Variants in ARHGAP24 observed in about 807,000 individuals in gnomAD.
ARHGAP24 encodes the protein Rho GTPase activating protein 24, also known as rho GTPase-activating protein 24.
Under a neutral mutation model 76.4 loss-of-function variants are expected in ARHGAP24, and 50 were observed. The ratio of observed to expected loss-of-function variants is 0.65; its 90% CI spans 0.52 to 0.83. The LOEUF (loss-of-function observed/expected upper bound fraction) is 0.83, where lower values mean the gene tolerates loss of function less well. ARHGAP24 is among the 40% of genes least tolerant of loss of function. The pLI, the probability that ARHGAP24 is intolerant of heterozygous loss-of-function variation, is 0.00. For missense variants in ARHGAP24, 930 were observed against 914.2 expected (o/e 1.02, Z -0.22); for synonymous variants, 345 against 323.3 (o/e 1.07, Z -0.72).
chr4:85,992,529 A>T (rs1465203973), intron 8 of ARHGAP24, among the ~76,000 whole-genome samples: 1 of 152,166 alleles, frequency 6.6e-6, no homozygotes. Flanking sequence ...AAATGTTAAC[A>T]TTCCAATGAT....
intron 2 of ARHGAP24, among the ~76,000 whole-genome samples, chr4:85,671,167 A>T (rs1191083015): frequency 6.6e-6 from 1 of 152,050 alleles, no homozygotes; most frequent in Non-Finnish European, 1.5e-5. Flanking sequence ...GCAAAACACA[A>T]TTTTTTTAAT....
intron 3 of ARHGAP24, among the ~76,000 whole-genome samples, chr4:85,922,448 AC>A (rs1331305547): frequency 1.3e-5 from 2 of 152,248 alleles, no homozygotes; most frequent in Non-Finnish European, 2.9e-5. Flanking sequence ...TTACAAACAA[AC>A]AAACAACATC....
At chr4:85,883,938 T>C (rs1257998028) in intron 3 of ARHGAP24, among the ~76,000 whole-genome samples, 5 of 152,266 alleles carry the variant, frequency 3.3e-5, no homozygotes, top group Middle Eastern at 3.4e-3. Flanking sequence ...ATCTATAAAG[T>C]AGAGATTTAA....
intron 2 of ARHGAP24, among the ~76,000 whole-genome samples, chr4:85,636,258 C>T (rs1164699738): frequency 2.6e-5 from 4 of 151,768 alleles, no homozygotes; most frequent in South Asian, 2.1e-4. Flanking sequence ...TTTCCCAAAG[C>T]GTTAGTTTTT....
chr4:85,985,443 G>A (rs949852003), intron 8 of ARHGAP24, among the ~76,000 whole-genome samples: 1 of 152,158 alleles, frequency 6.6e-6, no homozygotes, highest in Non-Finnish European at 1.5e-5. Context: ...AGAACACATG[G>A]ACAGAGGAAG....
At chr4:85,931,094 T>C in intron 4 of ARHGAP24, 1 of 1,531,696 alleles carries the variant, frequency 6.5e-7, no homozygotes, top group Non-Finnish European at 8.8e-7. Context: ...TAATATTATC[T>C]TAGGCTTTAA....
chr4:85,688,002 G>A (rs1417370214), intron 2 of ARHGAP24, among the ~76,000 whole-genome samples: 1 of 151,996 alleles, frequency 6.6e-6, no homozygotes, highest in Non-Finnish European at 1.5e-5. Flanking sequence ...TAGTAGAGAT[G>A]GGGTTTCACC....
intron 4 of ARHGAP24, among the ~76,000 whole-genome samples, chr4:85,937,051 T>A (rs1281723057): frequency 6.6e-6 from 1 of 152,140 alleles, no homozygotes; most frequent in Non-Finnish European, 1.5e-5. Flanking sequence ...GACAAGCCAG[T>A]GGGCACCATT....
chr4:85,663,545 C>G (rs1346655123), intron 2 of ARHGAP24, among the ~76,000 whole-genome samples: 1 of 148,784 alleles, frequency 6.7e-6, no homozygotes, highest in Non-Finnish European at 1.5e-5. Context: ...GCCAGAACTT[C>G]CAACACTATG....
chr4:85,825,617 T>C (rs1729678089), intron 3 of ARHGAP24, among the ~76,000 whole-genome samples: 1 of 152,180 alleles, frequency 6.6e-6, no homozygotes, highest in Non-Finnish European at 1.5e-5. Flanking sequence ...CTTCTTCAAT[T>C]GAAAAACAAG....
At chr4:85,802,181 C>G (rs1728605860) in intron 3 of ARHGAP24, among the ~76,000 whole-genome samples, 1 of 152,002 alleles carries the variant, frequency 6.6e-6, no homozygotes, top group Non-Finnish European at 1.5e-5. Flanking sequence ...AATATGACCA[C>G]CAGTTGCTAT....
Position 85,994,783 on chromosome 4 carries a change from G to T in ARHGAP24, c.1129G>T (p.Asp377Tyr). 1 of 1,614,058 alleles carries T rather than the reference G, an allele frequency of 6.2e-7. No homozygotes were observed. Among genetic ancestry groups the T allele is most frequent in the South Asian group, 1.1e-5 (1 of 91,060 alleles). Residue 377 changes from aspartate to tyrosine, a missense_variant, in exon 9 of 10, where the codon GAC (aspartate) becomes TAC (tyrosine). Physicochemically the swap from Asp to Tyr is radical, Grantham distance 160 (BLOSUM62 -3). Transcript: ENST00000395184. ...KDSPSRQCSW[D>Y]KSESPQRSSM... ...CAGCCCTAGTAGGCAGTGCTCCTGG[G>T]ACAAGTCTGAGTCACCCCAGAGAAG...
chr4:85,676,906 A>C (rs1273019541), intron 2 of ARHGAP24, among the ~76,000 whole-genome samples: 1 of 152,188 alleles, frequency 6.6e-6, no homozygotes, highest in Non-Finnish European at 1.5e-5. Context: ...CATTAAAAGA[A>C]ACAGGTGAGA....
chr4:85,978,530 C>T (rs545761050), intron 8 of ARHGAP24, among the ~76,000 whole-genome samples: 13 of 152,164 alleles, frequency 8.5e-5, no homozygotes, highest in African/African-American at 3.1e-4. Flanking sequence ...ATAAGTTGAA[C>T]ATCAGATTTT....
intron 5 of ARHGAP24, among the ~76,000 whole-genome samples, chr4:85,948,476 T>G (rs943171959): frequency 3.9e-5 from 6 of 152,178 alleles, no homozygotes; most frequent in Non-Finnish European, 5.9e-5. Flanking sequence ...TTATAGCAGA[T>G]TTTTGCTAAT....
At chr4:85,775,381 A>G (rs1345873986) in intron 3 of ARHGAP24, among the ~76,000 whole-genome samples, 1 of 152,186 alleles carries the variant, frequency 6.6e-6, no homozygotes, top group Non-Finnish European at 1.5e-5. Context: ...GGTAATTTAT[A>G]AAGAAAAAGA....
chr4:85,751,352 G>C (rs1726258077), intron 3 of ARHGAP24, among the ~76,000 whole-genome samples: 1 of 151,978 alleles, frequency 6.6e-6, no homozygotes, highest in Non-Finnish European at 1.5e-5. Context: ...TTTGTTGTTA[G>C]AAAAAAACCT....
chr4:85,640,003 T>C (rs1022898361), intron 2 of ARHGAP24, among the ~76,000 whole-genome samples: 1 of 152,298 alleles, frequency 6.6e-6, no homozygotes, highest in African/African-American at 2.4e-5. Context: ...CTTGTGAATC[T>C]TGGAGCTATG....
At chr4:85,778,609 G>T (rs1258246751) in intron 3 of ARHGAP24, 1 of 901,646 alleles carries the variant, frequency 1.1e-6, no homozygotes, top group Admixed American at 6.2e-5. Context: ...TTCTTATTTT[G>T]TTTTGTTTTG....
Sources: allele counts gnomAD v4.1 joint callset (sites outside exome capture counted in the v4.1 genomes callset), GRCh38; gene constraint gnomAD v4.1.1; transcripts MANE v1.5; gene names NCBI Gene and HGNC (gene_info 2026-07-23, HGNC 2026-07-21).